Variants in IMPG2 observed in about 807,000 individuals in gnomAD.
The protein encoded by IMPG2 is interphotoreceptor matrix proteoglycan 2.
Under a neutral mutation model 129.2 loss-of-function variants are expected in IMPG2, and 91 were observed. The observed-to-expected ratio is 0.70, with a 90% CI of 0.59 to 0.84. The LOEUF (loss-of-function observed/expected upper bound fraction) is 0.84, where lower values mean the gene tolerates loss of function less well. Among genes scored for constraint, IMPG2 ranks in the 40% least tolerant of loss-of-function variants. The probability of loss-of-function intolerance (pLI) is 0.00; values close to 1 mark genes in which losing one functional copy is unlikely to be tolerated. For missense variants in IMPG2, 1,430 were observed against 1,461.7 expected (o/e 0.98, Z 0.35); for synonymous variants, 510 against 517.7 (o/e 0.99, Z 0.20).
chr3:101,261,079 C>G (rs1177914701), intron 9 of IMPG2, among the ~76,000 whole-genome samples: 1 of 152,036 alleles, frequency 6.6e-6, no homozygotes, highest in Non-Finnish European at 1.5e-5. Context: ...ATATTTGTAT[C>G]TTCTGGTTAA....
rs1706469557 is a variant in IMPG2 at position 101,245,805 on chromosome 3, C to G, written c.1540G>C (p.Asp514His). 2 of 1,613,490 alleles carry G rather than the reference C, an allele frequency of 1.2e-6. No individual in the cohort carries two copies. The highest frequency in any genetic ancestry group is 1.7e-6 in the Non-Finnish European group (2 of 1,179,514). ...ERTSGSHLVE[D>H]GLANVEESED... is the part of the protein sequence containing the mutation. ...AAAAGCAATTAAAGTTTCTCACCAT[C>G]TTCTACCAAGTGAGATCCAGAAGTC... Residue 514 changes from aspartate to histidine, a missense_variant, in exon 12 of 19, where the codon GAT becomes CAT. Coordinates refer to ENST00000193391, the MANE Select transcript of IMPG2 (RefSeq NM_016247.4).
chr3:101,236,499 C>A (rs1021105830), intron 14 of IMPG2, among the ~76,000 whole-genome samples: 3 of 152,050 alleles, frequency 2.0e-5, no homozygotes, highest in African/African-American at 7.2e-5. Flanking sequence ...AACTGAGGTA[C>A]CTGGCTCATC....
rs184152687 is a variant in IMPG2 at position 101,228,230 on chromosome 3, A to G, written c.3713+567T>C. On this transcript the variant is annotated intron_variant, in intron 18 of 18. Transcript: ENST00000193391. ...CCTGAGAAAAGCAAATGGGAAAATT[A>G]AGATAAACTTGATAGAGGCAAGAGA... Among the ~76,000 whole-genome samples the G allele has an allele frequency of 3.9e-5, 6 of 152,368 alleles. No homozygotes were observed. The East Asian group carries it at 1.2e-3, about 29-fold the overall frequency.
intron 18 of IMPG2, chr3:101,227,815 T>A (rs1706240774): frequency 2.2e-6 from 1 of 456,140 alleles, no homozygotes; most frequent in African/African-American, 2.0e-5. Flanking sequence ...TCCTCAGTTA[T>A]CAGTTTGTCC....
At chr3:101,278,598 A>G (rs1396863657) in intron 4 of IMPG2, among the ~76,000 whole-genome samples, 1 of 152,204 alleles carries the variant, frequency 6.6e-6, no homozygotes, top group East Asian at 1.9e-4. Flanking sequence ...ATAAAATATG[A>G]TAATTCAAAG....
At chr3:101,317,945 C>T (rs2058793602) in intron 2 of IMPG2, among the ~76,000 whole-genome samples, 1 of 151,524 alleles carries the variant, frequency 6.6e-6, no homozygotes, top group Non-Finnish European at 1.5e-5. Flanking sequence ...TACGGTGAGA[C>T]CCCATCTCTA....
Position 101,243,652 on chromosome 3 carries a change from G to C in IMPG2, c.2679C>G (p.Thr893=). Reference sequence around the variant, plus strand: ...AAACCACCAAAGCTCCTGAAGTCTGGGTATAACTCAAGTCATCTCCTCCTT... The same window carrying C: ...AAACCACCAAAGCTCCTGAAGTCTGCGTATAACTCAAGTCATCTCCTCCTT... ...PTEGGDDLSY[T]QTSGALVVFF... Residue 893 remains threonine (T), a synonymous_variant, in exon 13 of 19, where the codon ACC becomes ACG. Transcript: ENST00000193391. 6.2e-7 allele frequency: 1 copy of C among 1,613,924 alleles called. No individual in the cohort carries two copies. Among genetic ancestry groups the C allele is most frequent in the South Asian group, 1.1e-5 (1 of 91,072 alleles).
At chr3:101,230,740 G>T (rs967581185) in intron 16 of IMPG2, among the ~76,000 whole-genome samples, 5 of 152,110 alleles carry the variant, frequency 3.3e-5, no homozygotes, top group African/African-American at 9.7e-5. Flanking sequence ...AAACTTATTT[G>T]TACCTCATCA....
chr3:101,291,409 G>T (rs1707007771), intron 4 of IMPG2, 70 bp downstream of exon 4: 1 of 1,266,956 alleles, frequency 7.9e-7, no homozygotes, highest in Non-Finnish European at 1.2e-6. Context: ...TAAATTTGGG[G>T]TGAGTCTTGA....
In IMPG2 at chr3:101,256,217, G is replaced by GAAAAAGAACGAACA. The variant is rs1553682323; in HGVS notation, c.1153+1311_1153+1312insTGTTCGTTCTTTTT. Among the ~76,000 whole-genome samples the GAAAAAGAACGAACA allele has an allele frequency of 4.6e-4, 64 of 138,270 alleles. 1 individual carries two copies. The highest frequency in any genetic ancestry group is 1.6e-3 in the African/African-American group (58 of 36,498). The allele number at this position is 138,270 out of a possible 152,430, so 90.7% of individuals were successfully genotyped here. On this transcript the variant is annotated intron_variant, in intron 10 of 18. Transcript: ENST00000193391. ...AGAAAGAAAGAAAGAAAGAAAGAAA[G>GAAAAAGAACGAACA]AAAAAAATATCTTATTTGGGAAATA... is the stretch of plus-strand genomic sequence containing the variant.
intron 3 of IMPG2, among the ~76,000 whole-genome samples, chr3:101,300,377 T>C (rs1172723097): frequency 6.6e-6 from 1 of 151,880 alleles, no homozygotes; most frequent in Non-Finnish European, 1.5e-5. Flanking sequence ...TGCAAAGGAG[T>C]TCAAAGGGCT....
At chr3:101,250,090 T>C (rs1706528042) in intron 11 of IMPG2, among the ~76,000 whole-genome samples, 1 of 152,006 alleles carries the variant, frequency 6.6e-6, no homozygotes, top group Admixed American at 6.6e-5. Flanking sequence ...AAAAACACCA[T>C]GGAATTACCA....
chr3:101,228,820 T>C lies in IMPG2; in HGVS notation c.3690A>G (p.Ala1230=). Residue 1230 remains alanine (A), a synonymous_variant, in exon 18 of 19, where the codon GCA becomes GCG. Coordinates refer to ENST00000193391, the MANE Select transcript of IMPG2 (RefSeq NM_016247.4). ...LELYANDPEF[A]AFVREQQVEE... ...ACACTTGTTGCTCTCTCACAAAAGC[T>C]GCAAACTCAGGATCATTGGCATACA... 6.2e-7 allele frequency: 1 copy of C among 1,614,048 alleles called. No homozygotes were observed. The highest frequency in any genetic ancestry group is 8.5e-7 in the Non-Finnish European group (1 of 1,179,932).
chr3:101,309,977 A>G (rs578093158), intron 2 of IMPG2, among the ~76,000 whole-genome samples: 17 of 152,306 alleles, frequency 1.1e-4, no homozygotes, highest in South Asian at 8.3e-4. Flanking sequence ...AAAATAATCT[A>G]TGAGTTTAAA....
intron 4 of IMPG2, among the ~76,000 whole-genome samples, chr3:101,278,829 T>C (rs1417652180): frequency 6.6e-6 from 1 of 152,166 alleles, no homozygotes; most frequent in Non-Finnish European, 1.5e-5. Context: ...TTGCATAAAA[T>C]TGCTTATTAA....
intron 2 of IMPG2, among the ~76,000 whole-genome samples, chr3:101,309,539 C>T (rs1256087639): frequency 6.6e-6 from 1 of 152,098 alleles, no homozygotes; most frequent in Non-Finnish European, 1.5e-5. Flanking sequence ...TATTAAGCCA[C>T]AGATCTCATG....
chr3:101,310,606 G>A (rs1383252123), intron 2 of IMPG2, among the ~76,000 whole-genome samples: 1 of 147,600 alleles, frequency 6.8e-6, no homozygotes, highest in South Asian at 2.1e-4. Flanking sequence ...TACAGAGATA[G>A]ACACATAATA....
At chr3:101,306,844 G>A (rs571040435) in intron 2 of IMPG2, among the ~76,000 whole-genome samples, 3 of 152,134 alleles carry the variant, frequency 2.0e-5, no homozygotes. Context: ...TTTATAGGCA[G>A]TACACAGAAA....
At chr3:101,254,903 TTCTCTC>T (rs370565511) in intron 10 of IMPG2, among the ~76,000 whole-genome samples, 1 of 149,302 alleles carries the variant, frequency 6.7e-6, no homozygotes, top group African/African-American at 2.4e-5. Context: ...GTGTGGCACT[TTCTCTC>T]TCTCTCTCTC....
Sources: gnomAD v4.1 joint callset for allele counts (sites outside exome capture counted in the v4.1 genomes callset) on GRCh38, gnomAD v4.1.1 for gene constraint, MANE v1.5 for transcripts, NCBI Gene and HGNC (gene_info 2026-07-23, HGNC 2026-07-21) for gene names.